CNBD2: variants seen among roughly 807,000 people sequenced by gnomAD.
CNBD2 encodes the protein cyclic nucleotide-binding domain-containing protein 2.
CNBD2 carries 64 observed loss-of-function variants against 63.7 expected under a neutral mutation model. The observed-to-expected ratio is 1.00, with a 90% confidence interval of 0.82 to 1.24. CNBD2 has a LOEUF of 1.24. Among genes scored for constraint, CNBD2 ranks in the 50% most tolerant of loss-of-function variants. The probability of loss-of-function intolerance (pLI) is 0.00; values close to 1 mark genes in which losing one functional copy is unlikely to be tolerated. For synonymous variants in CNBD2, 229 were observed against 255.4 expected (o/e 0.90, Z 0.99); for missense variants, 691 against 713.5 (o/e 0.97, Z 0.36).
chr20:35,975,975 T>G lies in CNBD2; in HGVS notation c.216T>G (p.Phe72Leu). The part of the protein sequence containing the change: ...WDKKMQSRVT[F>L]DTMDFIAEEG... Reference sequence around the variant, plus strand: ...AAAAGATGCAAAGCCGAGTCACATTTGATACCATGGACTTCATTGCAGAGG... The same window carrying G: ...AAAAGATGCAAAGCCGAGTCACATTGGATACCATGGACTTCATTGCAGAGG... Residue 72 changes from phenylalanine to leucine, a missense_variant, in exon 3 of 12, where the codon TTT (phenylalanine) becomes TTG (leucine). Phe to Leu is a conservative substitution (Grantham distance 22). Transcript: ENST00000373973. The G allele has an allele frequency of 6.2e-7, 1 of 1,613,164 alleles. No individual in the cohort carries two copies. Among genetic ancestry groups the G allele is most frequent in the Non-Finnish European group, 8.5e-7 (1 of 1,179,166 alleles).
chr20:36,010,788 AAG>A (rs1379910167), intron 9 of CNBD2, among the ~76,000 whole-genome samples: 1 of 152,152 alleles, frequency 6.6e-6, no homozygotes, highest in African/African-American at 2.4e-5. Context: ...AAAAAAAAGA[AAG>A]AAATTCCTTC....
chr20:35,988,267 A>G (rs535868572), intron 7 of CNBD2, among the ~76,000 whole-genome samples: 1 of 152,242 alleles, frequency 6.6e-6, no homozygotes, highest in African/African-American at 2.4e-5. Context: ...CCTGGGTTCA[A>G]GTGATTCTCC....
chr20:36,005,942 C>T (rs924261787), intron 8 of CNBD2, among the ~76,000 whole-genome samples: 1 of 151,854 alleles, frequency 6.6e-6, no homozygotes, highest in East Asian at 1.9e-4. Flanking sequence ...CAGAGCAATA[C>T]TCCATCTCAA....
chr20:36,017,385 G>A (rs1482937224), intron 10 of CNBD2, among the ~76,000 whole-genome samples: 9 of 152,102 alleles, frequency 5.9e-5, no homozygotes, highest in African/African-American at 2.2e-4. Context: ...TTCTCCCCCT[G>A]TGTTATGGTG....
chr20:35,985,177 T>C (rs1371650007), intron 6 of CNBD2, among the ~76,000 whole-genome samples: 1 of 151,890 alleles, frequency 6.6e-6, no homozygotes, highest in Non-Finnish European at 1.5e-5. Flanking sequence ...CACATACCTA[T>C]AGTTTCAGCT....
intron 9 of CNBD2, among the ~76,000 whole-genome samples, chr20:36,008,871 T>G (rs1056596061): frequency 4.6e-5 from 7 of 151,932 alleles, no homozygotes; most frequent in Admixed American, 3.3e-4. Flanking sequence ...AGAGCCTGTG[T>G]TTGGAATTAA....
At chr20:35,961,851 G>T (rs1057311498) in intron 2 of CNBD2, among the ~76,000 whole-genome samples, 1 of 152,098 alleles carries the variant, frequency 6.6e-6, no homozygotes, top group Non-Finnish European at 1.5e-5. Flanking sequence ...GCAGCTGTAG[G>T]GCTATAAAAA....
chr20:35,957,215 C>G (rs1195017550), downstream of CNBD2, among the ~76,000 whole-genome samples: 2 of 152,120 alleles, frequency 1.3e-5, no homozygotes, highest in East Asian at 3.8e-4. Flanking sequence ...AAATCCAGCC[C>G]TTTGTGGGCC....
At chr20:35,955,132 T>G (rs1484918137) in exon 1 of CNBD2, 1 of 168,976 alleles carries the variant, frequency 5.9e-6, no homozygotes, top group Non-Finnish European at 1.4e-5. Flanking sequence ...ATAAGTGAAC[T>G]CTAAATGCAT....
intron 9 of CNBD2, among the ~76,000 whole-genome samples, chr20:36,009,357 G>A (rs1441365144): frequency 2.6e-5 from 4 of 151,800 alleles, no homozygotes; most frequent in African/African-American, 9.7e-5. Flanking sequence ...ACCTGCCACT[G>A]TGTCTGGCTA....
intron 2 of CNBD2, 125 bp downstream of exon 2, chr20:35,972,891 G>A (rs1601015993): frequency 2.3e-6 from 2 of 879,824 alleles, no homozygotes; most frequent in East Asian, 5.1e-5. Flanking sequence ...GAGACCCAAT[G>A]GTCACTTTTA....
At chr20:35,984,171 G>A (rs748919892) in intron 5 of CNBD2, 33 bp downstream of exon 5, 4 of 1,565,932 alleles carry the variant, frequency 2.6e-6, no homozygotes, top group South Asian at 1.2e-5. Flanking sequence ...GTTTCCTGGG[G>A]TGGAGTGGGT....
At chr20:35,997,045 C>CCAGG (rs2056834771) in intron 8 of CNBD2, among the ~76,000 whole-genome samples, 1 of 152,202 alleles carries the variant, frequency 6.6e-6, no homozygotes, top group Non-Finnish European at 1.5e-5. Context: ...AGGGTGATAA[C>CCAGG]CAGGCTTGCT....
chr20:36,026,935 T>A (rs1195682388), intron 11 of CNBD2, among the ~76,000 whole-genome samples: 1 of 152,194 alleles, frequency 6.6e-6, no homozygotes, highest in Non-Finnish European at 1.5e-5. Flanking sequence ...CCGCCTTTGG[T>A]CTCTAGCACC....
chr20:35,959,995 C>T (rs1225650205), downstream of CNBD2, among the ~76,000 whole-genome samples: 1 of 152,080 alleles, frequency 6.6e-6, no homozygotes, highest in Non-Finnish European at 1.5e-5. Context: ...TTGCTTAAAG[C>T]TTGTTCTGAT....
intron 10 of CNBD2, among the ~76,000 whole-genome samples, chr20:36,019,504 A>G (rs2057178431): frequency 6.8e-6 from 1 of 146,818 alleles, no homozygotes; most frequent in South Asian, 2.3e-4. Context: ...GCCTAGGGAC[A>G]GAGTGAGACC....
At chr20:35,980,948 C>T (rs1293425823) in intron 4 of CNBD2, among the ~76,000 whole-genome samples, 1 of 152,126 alleles carries the variant, frequency 6.6e-6, no homozygotes, top group Admixed American at 6.5e-5. Context: ...GTCACCCAGA[C>T]AAAAAGAAAC....
chr20:35,975,925 T>C, intron 2 of CNBD2, 24 bp from the exon 3 acceptor site: 1 of 1,609,556 alleles, frequency 6.2e-7, no homozygotes. Context: ...ATTCTCCCTC[T>C]TCTCCCTGCC....
At chr20:35,975,162 C>A (rs1459540114) in intron 2 of CNBD2, among the ~76,000 whole-genome samples, 18 of 130,208 alleles carry the variant, frequency 1.4e-4, no homozygotes, top group Non-Finnish European at 2.4e-4. Context: ...CTACCACGCC[C>A]GGCTAATTTT....
Sources: gnomAD v4.1 joint callset for allele counts (sites outside exome capture counted in the v4.1 genomes callset) on GRCh38, gnomAD v4.1.1 for gene constraint, MANE v1.5 for transcripts, NCBI Gene and HGNC (gene_info 2026-07-23, HGNC 2026-07-21) for gene names.